Variants in CACNA1S observed in about 807,000 individuals in gnomAD.
CACNA1S encodes the protein voltage-dependent L-type calcium channel subunit alpha-1S.
A neutral mutation model predicts 207.4 loss-of-function variants in CACNA1S; 126 were observed. That is an observed-to-expected ratio of 0.61 (90% CI 0.53 to 0.70). The LOEUF is 0.70. Ranked by LOEUF, CACNA1S falls within the 30% of genes least tolerant of loss-of-function variation. The pLI, the probability that CACNA1S is intolerant of heterozygous loss-of-function variation, is 0.00. For missense variants in CACNA1S, 2,349 were observed against 2,422.8 expected (o/e 0.97, Z 0.64); for synonymous variants, 960 against 932.7 (o/e 1.03, Z -0.53).
chr1:201,053,412 C>T lies in CACNA1S; in HGVS notation c.3795+47G>A, dbSNP rs1660726311. On this transcript the variant is annotated intron_variant, in intron 30 of 43. Transcript: ENST00000362061. This position sits in a 1 kb window ranked among gnomAD's most constrained non-coding sequence, Gnocchi z 5.1. ...CCACCCTGGGCTGAGGCAGATGTCC[C>T]TAGTGGCCTCCCCAGGTACGTGCAG... The T allele has an allele frequency of 6.2e-7, 1 of 1,614,030 alleles. No individual in the cohort carries two copies.
chr1:201,065,412 A>C (rs956251253), intron 22 of CACNA1S, among the ~76,000 whole-genome samples: 2 of 152,228 alleles, frequency 1.3e-5, no homozygotes, highest in Non-Finnish European at 2.9e-5. Flanking sequence ...TTGAAGTTTC[A>C]TAGTCATATT....
At chr1:201,075,806 C>T (rs765390843) in intron 12 of CACNA1S, among the ~76,000 whole-genome samples, 191 bp from the exon 13 acceptor site, 8 of 152,178 alleles carry the variant, frequency 5.3e-5, no homozygotes, top group Admixed American at 3.9e-4. Flanking sequence ...TAGTGGCTCA[C>T]GCCTGTTACT....
In CACNA1S at chr1:201,043,373, G is replaced by A. The variant is rs775497469; in HGVS notation, c.4956C>T (p.Arg1652=). ...VFLEDFPQDP[R]TNPLARANTN... ...TATTGGCACGAGCCAGGGGGTTGGT[G>A]CGTGGATCTTGTGGGAAGTCCTCCA... The change falls in exon 40 of 44, where the codon CGC becomes CGT. Residue 1652 remains arginine (R), a synonymous_variant. Transcript: ENST00000362061. 8.1e-6 allele frequency: 13 copies of A among 1,614,208 alleles called. No individual in the cohort carries two copies. Among genetic ancestry groups the A allele is most frequent in the African/African-American group, 1.3e-5 (1 of 75,046 alleles).
chr1:201,054,822 G>A (rs1660780300), intron 28 of CACNA1S, among the ~76,000 whole-genome samples: 1 of 152,220 alleles, frequency 6.6e-6, no homozygotes, highest in South Asian at 2.1e-4. Context: ...GACACAGACA[G>A]ATCCCTTCTC....
chr1:201,069,466 C>T lies in CACNA1S; in HGVS notation c.2490+6G>A, dbSNP rs750783676. On this transcript the variant is annotated splice_donor_region_variant and intron_variant, in intron 18 of 43. Transcript: ENST00000362061. ...GCTGAGTGGCAGAGAGGGTGAAGCC[C>T]GTCACCTGATTTCTCATGGAATCAG... is the stretch of plus-strand genomic sequence containing the variant. 21 of 1,605,774 alleles carry T rather than the reference C, an allele frequency of 1.3e-5. No homozygotes were observed. In the South Asian group the frequency reaches 1.5e-4, roughly 11 times the overall value.
At chr1:201,104,199 T>G (rs1662793938) in intron 2 of CACNA1S, among the ~76,000 whole-genome samples, 1 of 152,212 alleles carries the variant, frequency 6.6e-6, no homozygotes, top group Non-Finnish European at 1.5e-5. Context: ...TATTTTGGTC[T>G]GGATACTTCT....
At chr1:201,060,071 T>A (rs1660987235) in intron 26 of CACNA1S, among the ~76,000 whole-genome samples, 1 of 152,182 alleles carries the variant, frequency 6.6e-6, no homozygotes, top group Admixed American at 6.5e-5. Context: ...CCTGGCTCAG[T>A]GATTGTCTTT....
rs975845622 is a variant in CACNA1S, at chr1:201,047,119, A to G, written c.4664T>C (p.Ile1555Thr). ...GYRPKKDIVQ[I>T]QAGLRTIEEE... Reference sequence around the variant, plus strand: ...ACATACCTGGATTGGGCTTACCTGGATCTGTACAATGTCCTTCTTGGGCCG... The same window carrying G: ...ACATACCTGGATTGGGCTTACCTGGGTCTGTACAATGTCCTTCTTGGGCCG... Residue 1555 changes from isoleucine to threonine, a missense_variant, in exon 38 of 44, where the codon ATC becomes ACC. Ile to Thr is a moderately conservative substitution (Grantham distance 89, BLOSUM62 -1). Coordinates refer to ENST00000362061, the MANE Select transcript of CACNA1S (RefSeq NM_000069.3). 10 of 1,613,950 alleles carry G rather than the reference A, an allele frequency of 6.2e-6. No individual in the cohort carries two copies. The highest frequency in any genetic ancestry group is 8.5e-6 in the Non-Finnish European group (10 of 1,180,000).
chr1:201,062,541 A>C, intron 22 of CACNA1S, 27 bp from the exon 23 acceptor site: 2 of 698,072 alleles, frequency 2.9e-6, no homozygotes, highest in Non-Finnish European at 5.0e-6. Flanking sequence ...GGAGGGAGGG[A>C]GGGAGGCATG....
Position 201,093,918 on chromosome 1 carries a change from C to G in CACNA1S, c.362G>C (p.Gly121Ala). Residue 121 changes from glycine (G) to alanine (A), a missense_variant, in exon 3 of 44, where the codon GGC becomes GCC. By Grantham distance (60) the Gly-to-Ala change is moderately conservative. Transcript: ENST00000362061. Reference protein sequence around the residue: ...LFHQDAYLRSGWNVLDFTIVF... With the variant: ...LFHQDAYLRSAWNVLDFTIVF... Reference sequence around the variant, plus strand: ...AATGGTGAAGTCCAGCACATTCCAGCCACTGCGCAGGTAAGCGTCCTGGTG... The same window carrying G: ...AATGGTGAAGTCCAGCACATTCCAGGCACTGCGCAGGTAAGCGTCCTGGTG... The G allele has an allele frequency of 1.2e-6, 2 of 1,614,212 alleles. No individual in the cohort carries two copies. The highest frequency in any genetic ancestry group is 2.2e-5 in the South Asian group (2 of 91,078).
chr1:201,092,195 C>G, intron 3 of CACNA1S, 81 bp from the exon 4 acceptor site: 2 of 1,543,494 alleles, frequency 1.3e-6, no homozygotes, highest in Non-Finnish European at 1.8e-6. Context: ...TGTGTCCTGT[C>G]CATGCTTGAG....
intron 24 of CACNA1S, 30 bp from the exon 25 acceptor site, chr1:201,061,498 C>T (rs773392645): frequency 6.2e-7 from 1 of 1,602,570 alleles, no homozygotes; most frequent in Non-Finnish European, 8.5e-7. Flanking sequence ...AGAGGACAGA[C>T]TGGGTGGGGT....
At chr1:201,056,653 T>A (rs1326059577) in intron 28 of CACNA1S, among the ~76,000 whole-genome samples, 1 of 152,248 alleles carries the variant, frequency 6.6e-6, no homozygotes, top group Admixed American at 6.5e-5. Flanking sequence ...AACTGTTTTT[T>A]GATTTTGGCC....
intron 2 of CACNA1S, among the ~76,000 whole-genome samples, chr1:201,104,707 C>T (rs1662808876): frequency 6.6e-6 from 1 of 152,208 alleles, no homozygotes; most frequent in Non-Finnish European, 1.5e-5. Flanking sequence ...CATAGGATTG[C>T]TTTGAGGGTG....
In CACNA1S at chr1:201,077,430, G is replaced by A. The variant is rs138602425; in HGVS notation, c.1620-303C>T. ...CTCCTGTGCACCCTCGATGCCCTGT[G>A]CTTAGCACAGTACCCAGCTCATGCA... On this transcript the variant is annotated intron_variant, in intron 11 of 43. Coordinates refer to ENST00000362061, the MANE Select transcript of CACNA1S (RefSeq NM_000069.3). 2.6e-3 allele frequency among the ~76,000 whole-genome samples: 403 copies of A among 152,322 alleles called. 1 individual carries two copies. The highest frequency in any genetic ancestry group is 8.9e-3 in the African/African-American group (369 of 41,560).
At chr1:201,103,087 CA>C (rs367857241) in intron 2 of CACNA1S, among the ~76,000 whole-genome samples, 7 of 150,884 alleles carry the variant, frequency 4.6e-5, no homozygotes, top group South Asian at 4.2e-4. Flanking sequence ...CTACTAAAAA[CA>C]AAAAAAAATT....
Position 201,078,007 on chromosome 1 carries a change from G to A in CACNA1S, c.1491C>T (p.Asn497=), listed in dbSNP as rs16847674. The change falls in exon 11 of 44, where the codon AAC becomes AAT. Residue 497 remains asparagine, a synonymous_variant. Coordinates refer to ENST00000362061, the MANE Select transcript of CACNA1S (RefSeq NM_000069.3). ...GLRQYFMSIF[N]RFDCFVVCSG... The stretch of plus-strand genomic sequence containing the variant: ...TACACACCACGAAGCAGTCGAAGCG[G>A]TTGAAGATAGACATGAAGTACTGGC... 0.066 allele frequency: 105,888 copies of A among 1,614,036 alleles called. 4,769 individuals are homozygous for A. Among genetic ancestry groups the A allele is most frequent in the East Asian group, 0.22 (9,677 of 44,864 alleles).
intron 23 of CACNA1S, 131 bp downstream of exon 23, chr1:201,062,331 C>G: frequency 1.9e-6 from 2 of 1,039,612 alleles, no homozygotes; most frequent in Admixed American, 1.7e-5. Flanking sequence ...ACACAGTCCC[C>G]TGCCCTGTGA....
chr1:201,104,781 T>C (rs1662811856), intron 2 of CACNA1S, among the ~76,000 whole-genome samples: 1 of 152,230 alleles, frequency 6.6e-6, no homozygotes, highest in East Asian at 1.9e-4. Context: ...GGAAGTCTGA[T>C]AATTGTTTTT....
Sources: allele counts gnomAD v4.1 joint callset (sites outside exome capture counted in the v4.1 genomes callset), GRCh38; gene constraint gnomAD v4.1.1; non-coding constraint Gnocchi (gnomAD v3.1); transcripts MANE v1.5; gene names NCBI Gene and HGNC (gene_info 2026-07-23, HGNC 2026-07-21).